The following HOOK3 variants were observed in gnomAD, a reference collection of about 807,000 sequenced individuals.
HOOK3 encodes protein Hook homolog 3.
A neutral mutation model predicts 116.3 loss-of-function variants in HOOK3; 24 were observed. That is an observed-to-expected ratio of 0.21 (90% CI 0.15 to 0.29). HOOK3 has a LOEUF of 0.29. Ranked by LOEUF, HOOK3 falls within the 10% of genes least tolerant of loss-of-function variation. The pLI, the probability that HOOK3 is intolerant of heterozygous loss-of-function variation, is 1.00. For missense variants in HOOK3, 632 were observed against 830.2 expected, an observed-to-expected ratio of 0.76 and a Z score of 2.93; for synonymous variants, 275 against 283.0, an observed-to-expected ratio of 0.97 and a Z score of 0.28.
intron 15 of HOOK3, among the ~76,000 whole-genome samples, chr8:42,987,708 G>A (rs1234302160): frequency 6.6e-6 from 1 of 152,126 alleles, no homozygotes; most frequent in Non-Finnish European, 1.5e-5. Context: ...TTCACTCAAA[G>A]TCAGTCACTT....
At chr8:42,946,983 C>G (rs1808243119) in intron 5 of HOOK3, among the ~76,000 whole-genome samples, 1 of 152,030 alleles carries the variant, frequency 6.6e-6, no homozygotes, top group African/African-American at 2.4e-5. Context: ...GTTGGTCAGG[C>G]TGGTCTCGAG....
chr8:42,991,879 G>A (rs558333720), intron 15 of HOOK3, among the ~76,000 whole-genome samples: 10 of 152,014 alleles, frequency 6.6e-5, no homozygotes, highest in African/African-American at 9.7e-5. Flanking sequence ...GTGAGCCACC[G>A]CACCCAGCAT....
At chr8:43,018,320 T>G in intron 21 of HOOK3, 38 bp from the exon 22 acceptor site, 1 of 1,542,968 alleles carries the variant, frequency 6.5e-7, no homozygotes, top group South Asian at 1.2e-5. Context: ...TGTTCCACTA[T>G]TTTTTCATTG....
rs766633886 is a variant in HOOK3 at position 43,023,205 on chromosome 8, C to CAAAAAAAAAAAAAAA, written c.*4716_*4730dup. 1 of 70,448 alleles carries CAAAAAAAAAAAAAAA rather than the reference C, an allele frequency of 1.4e-5. No homozygotes were observed. The highest frequency in any genetic ancestry group is 2.0e-4 in the Admixed American group (1 of 4,944). 4.4% of individuals were successfully genotyped at this position (70,448 alleles called of 1,614,324 possible). On this transcript the variant is annotated 3_prime_UTR_variant, in exon 22 of 22. Transcript: ENST00000307602. ...TGGGCCACAGAGTGAGACTCCATCT[C>CAAAAAAAAAAAAAAA]AAAAAAAAAAAAAAAAAAAAAAAGA...
chr8:42,985,740 CAAAAAA>C (rs879842015), intron 14 of HOOK3, among the ~76,000 whole-genome samples: 1 of 106,828 alleles, frequency 9.4e-6, no homozygotes, highest in African/African-American at 3.5e-5. Context: ...GACCCCGTCT[CAAAAAA>C]AAAAAAAAGT....
chr8:42,957,655 AC>A (rs1808460354), intron 7 of HOOK3, among the ~76,000 whole-genome samples: 1 of 152,062 alleles, frequency 6.6e-6, no homozygotes, highest in Non-Finnish European at 1.5e-5. Context: ...AAAGATACTT[AC>A]CTTTTATTTC....
intron 2 of HOOK3, among the ~76,000 whole-genome samples, chr8:42,921,807 T>G (rs1395862744): frequency 6.6e-6 from 1 of 152,166 alleles, no homozygotes; most frequent in Non-Finnish European, 1.5e-5. Context: ...GTGTTGTTTA[T>G]GGAGGAATAG....
At chr8:42,981,745 G>A (rs1207374824) in intron 13 of HOOK3, among the ~76,000 whole-genome samples, 2 of 151,510 alleles carry the variant, frequency 1.3e-5, no homozygotes, top group East Asian at 2.0e-4. Flanking sequence ...TTAGCTGGGC[G>A]TGGTGGTGGG....
intron 4 of HOOK3, among the ~76,000 whole-genome samples, chr8:42,939,086 A>G (rs952469956): frequency 1.9e-4 from 29 of 152,230 alleles, no homozygotes; most frequent in Non-Finnish European, 3.4e-4. Context: ...CTTAGTACAG[A>G]ACAAAATGAA....
intron 13 of HOOK3, among the ~76,000 whole-genome samples, chr8:42,978,978 C>T (rs1808881152): frequency 6.6e-6 from 1 of 152,242 alleles, no homozygotes; most frequent in Admixed American, 6.5e-5. Context: ...AGGATATGGG[C>T]CAGGCATGGT....
chr8:42,917,467 A>T (rs1021220703), intron 2 of HOOK3, among the ~76,000 whole-genome samples: 5 of 152,148 alleles, frequency 3.3e-5, no homozygotes, highest in Admixed American at 3.3e-4. Flanking sequence ...CTAAAGCAAT[A>T]AAGGGGCCCA....
chr8:42,976,099 A>G (rs1808822904), intron 13 of HOOK3, among the ~76,000 whole-genome samples: 1 of 152,046 alleles, frequency 6.6e-6, no homozygotes, highest in Admixed American at 6.6e-5. Flanking sequence ...TCCAAGTGCC[A>G]TAAGAGGTGA....
chr8:43,027,521 A>T lies in HOOK3; in HGVS notation c.*9023A>T. On this transcript the variant is annotated 3_prime_UTR_variant, in exon 22 of 22. Transcript: ENST00000307602. ...TTTGCATGAGAAGCTCATCTAGAAG[A>T]GAGCAACGCTGGAATAGAGAAGTCT... 2.7e-6 allele frequency: 1 copy of T among 374,330 alleles called. No individual in the cohort carries two copies. Among genetic ancestry groups the T allele is most frequent in the Non-Finnish European group, 5.2e-6 (1 of 193,112 alleles). The allele number at this position is 374,330 out of a possible 1,614,324, so 23.2% of individuals were successfully genotyped here.
At chr8:43,017,939 T>C (rs1809754277) in intron 21 of HOOK3, among the ~76,000 whole-genome samples, 1 of 152,238 alleles carries the variant, frequency 6.6e-6, no homozygotes. Flanking sequence ...TAGTGTGGCT[T>C]TCCATCTTAA....
At chr8:42,949,654 TC>T in intron 5 of HOOK3, among the ~76,000 whole-genome samples, 2 of 152,304 alleles carry the variant, frequency 1.3e-5, no homozygotes, top group East Asian at 3.9e-4. Flanking sequence ...GCACGGTGGC[TC>T]ACGCCTGTAA....
chr8:42,944,164 C>G (rs539587265), intron 5 of HOOK3, among the ~76,000 whole-genome samples: 1 of 152,130 alleles, frequency 6.6e-6, no homozygotes, highest in South Asian at 2.1e-4. Flanking sequence ...CCTGTGATCC[C>G]AGCACTTTGG....
At position 43,000,040 on chromosome 8, in the gene HOOK3, C is replaced by T. The variant is rs758218502; in HGVS notation, c.1621-2067C>T. ...GCGGGTACCTGTAGTCCCAGCTACT[C>T]GGGAAGCTGAGGCAGGGGAATGGCA... On this transcript the variant is annotated intron_variant, in intron 16 of 21. Transcript: ENST00000307602. 5.3e-5 allele frequency among the ~76,000 whole-genome samples: 8 copies of T among 152,026 alleles called. No individual in the cohort carries two copies. In the South Asian group the frequency reaches 6.2e-4, roughly 12 times the overall value.
rs539180823 is a variant in HOOK3, at chr8:42,964,848, A to T, written c.779+374A>T. On this transcript the variant is annotated intron_variant, in intron 9 of 21. Coordinates refer to ENST00000307602, the MANE Select transcript of HOOK3 (RefSeq NM_032410.4). ...TCTCAAAAAAAAAAAAGAAAAAAAA[A>T]ATATAATGTTAGGACTTCTGGGAAA... Among the ~76,000 whole-genome samples the T allele has an allele frequency of 1.2e-3, 185 of 152,264 alleles. 1 individual carries two copies. Among genetic ancestry groups the T allele is most frequent in the African/African-American group, 1.5e-3 (63 of 41,572 alleles).
At chr8:42,972,025 A>G (rs189205208) in intron 11 of HOOK3, among the ~76,000 whole-genome samples, 201 of 152,232 alleles carry the variant, frequency 1.3e-3, no homozygotes, top group African/African-American at 4.6e-3. Flanking sequence ...TTACTTTTTT[A>G]AGTATGTATA....
Sources: gnomAD v4.1 joint callset for allele counts (sites outside exome capture counted in the v4.1 genomes callset) on GRCh38, gnomAD v4.1.1 for gene constraint, MANE v1.5 for transcripts, NCBI Gene and HGNC (gene_info 2026-07-23, HGNC 2026-07-21) for gene names.